The following CDC42BPG variants were observed in gnomAD, a reference collection of about 807,000 sequenced individuals.
The protein encoded by CDC42BPG is serine/threonine-protein kinase MRCK gamma.
Under a neutral mutation model 192.2 loss-of-function variants are expected in CDC42BPG, and 157 were observed. That is an observed-to-expected ratio of 0.82 (90% CI 0.72 to 0.93). CDC42BPG has a LOEUF of 0.93. CDC42BPG is among the 40% of genes least tolerant of loss of function. The pLI is 0.00. For missense variants in CDC42BPG, 1,992 were observed against 2,122.1 expected, an observed-to-expected ratio of 0.94 and a Z score of 1.20; for synonymous variants, 981 against 918.5, an observed-to-expected ratio of 1.07 and a Z score of -1.23.
At chr11:64,826,065 T>A (rs1942401255) in intron 36 of CDC42BPG, among the ~76,000 whole-genome samples, 1 of 10,736 alleles carries the variant, frequency 9.3e-5, no homozygotes, top group South Asian at 3.1e-3. Flanking sequence ...AGACTCCATC[T>A]GGAAAAAAAA....
At chr11:64,826,277 G>A (rs1942410839) in intron 36 of CDC42BPG, among the ~76,000 whole-genome samples, 193 bp downstream of exon 36, 1 of 152,206 alleles carries the variant, frequency 6.6e-6, no homozygotes, top group African/African-American at 2.4e-5. Context: ...TTCCCACCTA[G>A]GCTGGCCTGC....
In CDC42BPG at chr11:64,824,283, G is replaced by A; in HGVS notation, c.*190C>T. ...GGGCTGGGAACAGAGGGGTAAGGCA[G>A]GATGAGGGCTGGGAGTCAGGACCCC... is the stretch of plus-strand genomic sequence containing the variant. On this transcript the variant is annotated 3_prime_UTR_variant, in exon 37 of 37. Coordinates refer to ENST00000342711, the MANE Select transcript of CDC42BPG (RefSeq NM_017525.3). 1 of 668,770 alleles carries A rather than the reference G, an allele frequency of 1.5e-6. No individual in the cohort carries two copies. The allele number at this position is 668,770 out of a possible 1,614,324, so 41.4% of individuals were successfully genotyped here. A position where few individuals can be genotyped will look rare whatever the true frequency, so the allele number is the denominator to read the frequency against.
chr11:64,827,071 G>A lies in CDC42BPG; in HGVS notation c.4368C>T (p.Pro1456=), dbSNP rs750631432. The change falls in exon 34 of 37, where the codon CCC becomes CCT. Residue 1456 remains proline, a synonymous_variant. Transcript: ENST00000342711. ...TAACCGGGGACTTGTCCCTGGCGCC[G>A]GGCCGCCCGTTGGCAGGGCCCACGT... ...LVHVGPANGR[P]GARDKSPAPE... 2.5e-6 allele frequency: 4 copies of A among 1,612,438 alleles called. No homozygotes were observed. Among genetic ancestry groups the A allele is most frequent in the East Asian group, 2.2e-5 (1 of 44,890 alleles).
In CDC42BPG at chr11:64,829,981, G is replaced by A; in HGVS notation, c.3457C>T (p.Pro1153Ser). ...GLLVVLCGRG[P>S]SVRLFALAEL... ...GCCAGGGCAAAGAGACGCACGCTGG[G>A]GCCGCGGCCACACAGCACGACCAGC... Residue 1153 changes from proline to serine, a missense_variant, in exon 30 of 37, where the codon CCC becomes TCC. Around this residue, in one of 2 missense-constraint regions of CDC42BPG, gnomAD observed 1,656 missense variants for 1,844.3 expected, o/e 0.90. Coordinates refer to ENST00000342711, the MANE Select transcript of CDC42BPG (RefSeq NM_017525.3). 1 of 1,612,898 alleles carries A rather than the reference G, an allele frequency of 6.2e-7. No homozygotes were observed. The highest frequency in any genetic ancestry group is 8.5e-7 in the Non-Finnish European group (1 of 1,179,862).
chr11:64,828,665 A>G (rs1448596567), intron 30 of CDC42BPG, among the ~76,000 whole-genome samples: 1 of 152,228 alleles, frequency 6.6e-6, no homozygotes, highest in Non-Finnish European at 1.5e-5. Context: ...CTGTAATCCC[A>G]GCACTTTGGG....
intron 29 of CDC42BPG, 33 bp downstream of exon 29, chr11:64,830,161 C>A (rs558125211): frequency 1.2e-5 from 19 of 1,613,168 alleles, no homozygotes; most frequent in Non-Finnish European, 1.6e-5. Flanking sequence ...CTGCCCCTGC[C>A]CACGCCCACC....
chr11:64,836,825 G>T lies in CDC42BPG; in HGVS notation c.1304-6C>A. 6.2e-7 allele frequency: 1 copy of T among 1,609,548 alleles called. No individual in the cohort carries two copies. The highest frequency in any genetic ancestry group is 8.5e-7 in the Non-Finnish European group (1 of 1,177,788). ...TGTGGGGGCGTGCAGGGCCTCTGGA[G>T]GGGAGGTGGTACCCACAGGTGAGTC... On this transcript the variant is annotated splice_region_variant and splice_polypyrimidine_tract_variant and intron_variant, in intron 10 of 36. Coordinates refer to ENST00000342711, the MANE Select transcript of CDC42BPG (RefSeq NM_017525.3).
In CDC42BPG at chr11:64,832,528, A is replaced by C; in HGVS notation, c.3006-19T>G. 6.2e-7 allele frequency: 1 copy of C among 1,613,954 alleles called. No homozygotes were observed. The highest frequency in any genetic ancestry group is 8.5e-7 in the Non-Finnish European group (1 of 1,179,888). ...GGGGTCCCTGGGAGGTTCACAGAAC[A>C]GGTCAGAAATCTCCCTGTCCCTGAC... On this transcript the variant is annotated intron_variant, in intron 26 of 36. Transcript: ENST00000342711.
rs370204906 is a variant in CDC42BPG at position 64,835,775 on chromosome 11, G to A, written c.1745C>T (p.Ser582Leu). The change falls in exon 14 of 37, where the codon TCG becomes TTG. Residue 582 changes from serine to leucine, a missense_variant. Coordinates refer to ENST00000342711, the MANE Select transcript of CDC42BPG (RefSeq NM_017525.3). ...QGQWEQRLEESSQAKTIHTAS... is the reference protein window; with the variant it reads ...QGQWEQRLEELSQAKTIHTAS... ...GGACTTGACTACCTTGGCCTGGGAC[G>A]ACTCCTCAAGGCGTTGCTCCCACTG... 4.6e-5 allele frequency: 75 copies of A among 1,613,338 alleles called. No individual in the cohort carries two copies. Among genetic ancestry groups the A allele is most frequent in the Middle Eastern group, 1.6e-4 (1 of 6,084 alleles).
chr11:64,833,149 C>T, intron 24 of CDC42BPG, 82 bp downstream of exon 24: 1 of 1,300,328 alleles, frequency 7.7e-7, no homozygotes. Flanking sequence ...GCCAGTGACC[C>T]TGGGATGGGA....
rs1942338280 is a variant in CDC42BPG at position 64,824,257 on chromosome 11, G to A, written c.*216C>T. On this transcript the variant is annotated 3_prime_UTR_variant, in exon 37 of 37. Coordinates refer to ENST00000342711, the MANE Select transcript of CDC42BPG (RefSeq NM_017525.3). The stretch of plus-strand genomic sequence containing the variant: ...CTATTCCCAATGGCTTAGAAAGGCT[G>A]GGGCTGGGAACAGAGGGGTAAGGCA... 1 of 624,840 alleles carries A rather than the reference G, an allele frequency of 1.6e-6. No homozygotes were observed. Among genetic ancestry groups the A allele is most frequent in the Non-Finnish European group, 2.9e-6 (1 of 342,796 alleles). The allele number at this position is 624,840 out of a possible 1,614,324, so 38.7% of individuals were successfully genotyped here.
intron 9 of CDC42BPG, among the ~76,000 whole-genome samples, chr11:64,837,730 G>A (rs1052295518): frequency 6.6e-6 from 1 of 152,344 alleles, no homozygotes; most frequent in African/African-American, 2.4e-5. Context: ...CCTAAGTGCT[G>A]GGATTACAAC....
chr11:64,827,341 C>A lies in CDC42BPG; in HGVS notation c.4208G>T (p.Arg1403Leu). Residue 1403 changes from arginine to leucine, a missense_variant, in exon 33 of 37, where the codon CGC (arginine) becomes CTC (leucine). By Grantham distance (102) the Arg-to-Leu change is moderately radical. Transcript: ENST00000342711. ...LTDNSRRQLF[R>L]TKSKRRFFFR... Reference sequence around the variant, plus strand: ...AAAGAAGCGGCGCTTGCTCTTGGTGCGGAACAGCTGGCGCCGGCTGTTGTC... The same window carrying A: ...AAAGAAGCGGCGCTTGCTCTTGGTGAGGAACAGCTGGCGCCGGCTGTTGTC... The A allele has an allele frequency of 6.2e-7, 1 of 1,614,040 alleles. No homozygotes were observed. Among genetic ancestry groups the A allele is most frequent in the East Asian group, 2.2e-5 (1 of 44,878 alleles).
chr11:64,838,247 G>A lies in CDC42BPG; in HGVS notation c.1126-85C>T, dbSNP rs760790412. 1.6e-5 allele frequency: 17 copies of A among 1,045,500 alleles called. 1 individual carries two copies. Among genetic ancestry groups the A allele is most frequent in the Admixed American group, 2.3e-5 (1 of 42,634 alleles). The allele number at this position is 1,045,500 out of a possible 1,614,324, so 64.8% of individuals were successfully genotyped here. A position where few individuals can be genotyped will look rare whatever the true frequency, so the allele number is the denominator to read the frequency against. On this transcript the variant is annotated intron_variant, in intron 8 of 36. Coordinates refer to ENST00000342711, the MANE Select transcript of CDC42BPG (RefSeq NM_017525.3). ...CCAGGAGCCCCCTGGGACCAGGTGC[G>A]ACCACCTCCTGCACAGGTGGGAACT...
Position 64,835,072 on chromosome 11 carries a change from C to T in CDC42BPG, c.2035G>A (p.Ala679Thr). The T allele has an allele frequency of 1.5e-6, 2 of 1,344,912 alleles. No individual in the cohort carries two copies. Among genetic ancestry groups the T allele is most frequent in the Non-Finnish European group, 2.0e-6 (2 of 1,017,286 alleles). The allele number at this position is 1,344,912 out of a possible 1,614,324, so 83.3% of individuals were successfully genotyped here. A position where few individuals can be genotyped will look rare whatever the true frequency, so the allele number is the denominator to read the frequency against. The part of the protein sequence containing the change: ...ERRETESNWE[A>T]QLADILSWVN... ...CAGCTGAGGATGTCGGCGAGCTGGG[C>T]CTCCCAGTTGCTCTCCGTCTCCCGC... Residue 679 changes from alanine (A) to threonine (T), a missense_variant, in exon 17 of 37, where the codon GCC becomes ACC. Ala to Thr is a moderately conservative substitution (Grantham distance 58). Transcript: ENST00000342711.
chr11:64,833,893 C>G, intron 21 of CDC42BPG, 32 bp downstream of exon 21: 4 of 1,614,246 alleles, frequency 2.5e-6, no homozygotes, highest in Non-Finnish European at 3.4e-6. Context: ...CCCAGAACTT[C>G]TCCCCAACAA....
intron 28 of CDC42BPG, 177 bp from the exon 29 acceptor site, chr11:64,830,433 G>GTT: frequency 1.5e-6 from 1 of 652,934 alleles, no homozygotes. Context: ...TTCCAGAGGG[G>GTT]TTGGGGTGAG....
chr11:64,844,462 G>A lies in CDC42BPG; in HGVS notation c.108C>T (p.Leu36=), dbSNP rs760375679. 1.4e-6 allele frequency: 2 copies of A among 1,467,686 alleles called. No homozygotes were observed. The highest frequency in any genetic ancestry group is 1.8e-6 in the Non-Finnish European group (2 of 1,115,194). 90.9% of individuals were successfully genotyped at this position (1,467,686 alleles called of 1,614,324 possible). A position where few individuals can be genotyped will look rare whatever the true frequency, so the allele number is the denominator to read the frequency against. ...GCTCCCGCCGTAGGGGGCCGCTGCT[G>A]AGCTCGTGGTGCAGCGCCAGCAGCA... The part of the protein sequence containing the change: ...LDLLLALHHE[L]SSGPLRRERS... The change falls in exon 1 of 37, where the codon CTC becomes CTT. Residue 36 remains leucine, a synonymous_variant. Coordinates refer to ENST00000342711, the MANE Select transcript of CDC42BPG (RefSeq NM_017525.3).
At position 64,838,113 on chromosome 11, in the gene CDC42BPG, G is replaced by C. The variant is rs1158634244; in HGVS notation, c.1175C>G (p.Pro392Arg). The C allele has an allele frequency of 6.4e-7, 1 of 1,553,312 alleles. No individual in the cohort carries two copies. Among genetic ancestry groups the C allele is most frequent in the East Asian group, 2.4e-5 (1 of 41,256 alleles). The change falls in exon 9 of 37, where the codon CCA becomes CGA. Residue 392 changes from proline (P) to arginine (R), a missense_variant. Physicochemically the swap from Pro to Arg is moderately radical, Grantham distance 103 (BLOSUM62 -2). Coordinates refer to ENST00000342711, the MANE Select transcript of CDC42BPG (RefSeq NM_017525.3). ...TGAGGTGTAGGTGAAGCCCACGAATGGCAGGTGATGGCCGGAGAAGGCCCC... is the reference window on the plus strand; with the variant it reads ...TGAGGTGTAGGTGAAGCCCACGAATCGCAGGTGATGGCCGGAGAAGGCCCC... ...SHGAFSGHHLPFVGFTYTSGS... is the reference protein window; with the variant it reads ...SHGAFSGHHLRFVGFTYTSGS...
Sources: allele counts gnomAD v4.1 joint callset (sites outside exome capture counted in the v4.1 genomes callset), GRCh38; gene constraint gnomAD v4.1.1; regional missense constraint gnomAD v4.1.1; transcripts MANE v1.5; gene names NCBI Gene and HGNC (gene_info 2026-07-23, HGNC 2026-07-21).